Variants in FAR2 observed in about 807,000 individuals in gnomAD.
FAR2 encodes the protein epididymis secretory protein Li 81.
A neutral mutation model predicts 56.0 loss-of-function variants in FAR2; 19 were observed. That is an observed-to-expected ratio of 0.34 (90% CI 0.24 to 0.50). FAR2 has a LOEUF of 0.50. FAR2 is among the 20% of genes least tolerant of loss of function. The pLI is 0.98. For synonymous variants in FAR2, 219 were observed against 218.8 expected, an observed-to-expected ratio of 1.00 and a Z score of -0.01; for missense variants, 508 against 642.2, an observed-to-expected ratio of 0.79 and a Z score of 2.26.
intron 1 of FAR2, among the ~76,000 whole-genome samples, chr12:29,232,601 C>G (rs1275875959): frequency 6.6e-6 from 1 of 152,084 alleles, no homozygotes; most frequent in Non-Finnish European, 1.5e-5. Context: ...TCAGCATTTT[C>G]TTGCATCCTG....
chr12:29,162,288 T>C (rs1949788248), intron 1 of FAR2, among the ~76,000 whole-genome samples: 1 of 152,242 alleles, frequency 6.6e-6, no homozygotes, highest in Admixed American at 6.5e-5. Context: ...TACATGTTTT[T>C]CCATGTGGAT....
chr12:29,188,371 ACT>A (rs1159022374), intron 1 of FAR2, among the ~76,000 whole-genome samples: 1 of 152,048 alleles, frequency 6.6e-6, no homozygotes, highest in Non-Finnish European at 1.5e-5. Context: ...TAGAGTGAAC[ACT>A]CTGCTAAATT....
At chr12:29,276,750 C>A (rs1214536116) in intron 2 of FAR2, among the ~76,000 whole-genome samples, 1 of 151,614 alleles carries the variant, frequency 6.6e-6, no homozygotes, top group African/African-American at 2.4e-5. Context: ...ATTGAAAATT[C>A]AAAATAAAGA....
chr12:29,302,412 T>C (rs1949188618), intron 4 of FAR2, among the ~76,000 whole-genome samples: 2 of 150,438 alleles, frequency 1.3e-5, no homozygotes, highest in South Asian at 2.1e-4. Context: ...CTTGGAAGAG[T>C]GGATAGAGTG....
At chr12:29,313,269 T>C (rs772483650) in intron 8 of FAR2, among the ~76,000 whole-genome samples, 22 of 152,140 alleles carry the variant, frequency 1.4e-4, no homozygotes, top group Middle Eastern at 3.2e-3. Flanking sequence ...TATCAACCTG[T>C]GCATAACTTT....
intron 1 of FAR2, among the ~76,000 whole-genome samples, chr12:29,191,183 C>T (rs994148671): frequency 1.3e-5 from 2 of 152,204 alleles, no homozygotes; most frequent in African/African-American, 4.8e-5. Context: ...ACTTCTTTCC[C>T]TTCCTAACCA....
At chr12:29,164,253 T>A (rs968815262) in intron 1 of FAR2, among the ~76,000 whole-genome samples, 1 of 152,246 alleles carries the variant, frequency 6.6e-6, no homozygotes, top group Non-Finnish European at 1.5e-5. Context: ...TCTTCACTTA[T>A]GCAGGCACGA....
At chr12:29,221,425 T>C (rs1405472410) in intron 1 of FAR2, among the ~76,000 whole-genome samples, 1 of 152,146 alleles carries the variant, frequency 6.6e-6, no homozygotes, top group African/African-American at 2.4e-5. Flanking sequence ...CTTCCCTGTC[T>C]CCCAGTTAGG....
At chr12:29,331,887 A>G (rs915341719) in intron 10 of FAR2, 1 of 152,148 alleles carries the variant, frequency 6.6e-6, no homozygotes, top group Non-Finnish European at 1.5e-5. Context: ...ATTTTTGGTT[A>G]TGCAAGTGTT....
chr12:29,167,235 A>G (rs967187214), intron 1 of FAR2, among the ~76,000 whole-genome samples: 2 of 152,154 alleles, frequency 1.3e-5, no homozygotes, highest in African/African-American at 2.4e-5. Flanking sequence ...AGGAGTTGTT[A>G]TAAATATTTA....
chr12:29,165,676 T>A (rs1316808949), intron 1 of FAR2, among the ~76,000 whole-genome samples: 1 of 152,134 alleles, frequency 6.6e-6, no homozygotes, highest in East Asian at 1.9e-4. Flanking sequence ...TTTTCGATGA[T>A]CAAATTTTTC....
intron 2 of FAR2, among the ~76,000 whole-genome samples, chr12:29,272,421 C>T (rs1948634905): frequency 6.6e-6 from 1 of 152,184 alleles, no homozygotes; most frequent in Non-Finnish European, 1.5e-5. Flanking sequence ...TCAGTTGATT[C>T]AGCTGCTGAT....
At chr12:29,217,642 CCT>C (rs1947638521) in intron 1 of FAR2, among the ~76,000 whole-genome samples, 1 of 152,166 alleles carries the variant, frequency 6.6e-6, no homozygotes, top group Non-Finnish European at 1.5e-5. Context: ...CAACTCAGTT[CCT>C]GATTGGATTG....
chr12:29,228,161 G>T (rs1947800130), intron 1 of FAR2, among the ~76,000 whole-genome samples: 1 of 150,950 alleles, frequency 6.6e-6, no homozygotes, highest in African/African-American at 2.4e-5. Context: ...AAAAGAAGTA[G>T]GTTCTTCAAA....
At chr12:29,324,971 C>G (rs1949620414) in intron 10 of FAR2, among the ~76,000 whole-genome samples, 1 of 148,800 alleles carries the variant, frequency 6.7e-6, no homozygotes, top group East Asian at 2.0e-4. Context: ...GATAAAGAGT[C>G]AAGAACCATC....
chr12:29,236,133 T>C (rs896872470), intron 1 of FAR2, among the ~76,000 whole-genome samples: 1 of 152,170 alleles, frequency 6.6e-6, no homozygotes, highest in South Asian at 2.1e-4. Flanking sequence ...ATTGTATACA[T>C]ATATAGAACT....
At chr12:29,269,149 A>G (rs1357786702) in intron 1 of FAR2, among the ~76,000 whole-genome samples, 4 of 152,164 alleles carry the variant, frequency 2.6e-5, no homozygotes, top group South Asian at 4.1e-4. Flanking sequence ...GGAGTGCTAT[A>G]GGAGACTGGG....
intron 1 of FAR2, among the ~76,000 whole-genome samples, chr12:29,174,872 A>T (rs1009974103): frequency 1.3e-5 from 2 of 152,316 alleles, no homozygotes; most frequent in Middle Eastern, 3.4e-3. Context: ...AGTTCCACTC[A>T]TGGCCACAAG....
At chr12:29,196,405 C>T (rs1950144041) in intron 1 of FAR2, among the ~76,000 whole-genome samples, 1 of 152,092 alleles carries the variant, frequency 6.6e-6, no homozygotes, top group African/African-American at 2.4e-5. Flanking sequence ...GGTGATGTCT[C>T]ATTGTGCTTT....
Sources: gnomAD v4.1 joint callset for allele counts (sites outside exome capture counted in the v4.1 genomes callset) on GRCh38, gnomAD v4.1.1 for gene constraint, MANE v1.5 for transcripts, NCBI Gene and HGNC (gene_info 2026-07-23, HGNC 2026-07-21) for gene names.